The following CERKL variants were observed in gnomAD, a reference collection of about 807,000 sequenced individuals.
The protein encoded by CERKL is ceramide kinase-like protein.
A neutral mutation model predicts 63.4 loss-of-function variants in CERKL; 61 were observed. The ratio of observed to expected loss-of-function variants is 0.96; its 90% CI spans 0.78 to 1.19. The LOEUF (loss-of-function observed/expected upper bound fraction) is 1.19, where lower values mean the gene tolerates loss of function less well. CERKL is among the 50% of genes most tolerant of loss of function. CERKL has a pLI of 0.00. For synonymous variants in CERKL, 250 were observed against 230.5 expected (o/e 1.08, Z -0.77); for missense variants, 675 against 655.5 (o/e 1.03, Z -0.33).
intron 3 of CERKL, among the ~76,000 whole-genome samples, chr2:181,570,495 G>A (rs1023630878): frequency 6.6e-6 from 1 of 152,226 alleles, no homozygotes; most frequent in Non-Finnish European, 1.5e-5. Flanking sequence ...GCCAGCATGG[G>A]CTTATCGTTC....
chr2:181,594,909 A>G (rs1244818430), intron 2 of CERKL, among the ~76,000 whole-genome samples: 1 of 152,170 alleles, frequency 6.6e-6, no homozygotes, highest in Non-Finnish European at 1.5e-5. Flanking sequence ...TAAATACCAC[A>G]CAATTTTATT....
At chr2:181,561,771 G>A (rs1688456901) in intron 4 of CERKL, among the ~76,000 whole-genome samples, 1 of 151,798 alleles carries the variant, frequency 6.6e-6, no homozygotes, top group South Asian at 2.1e-4. Flanking sequence ...AAGAACCTGT[G>A]CTTCCACAAC....
At chr2:181,655,256 A>T (rs1274195894) in intron 1 of CERKL, among the ~76,000 whole-genome samples, 1 of 152,182 alleles carries the variant, frequency 6.6e-6, no homozygotes. Context: ...ATAAAACAGC[A>T]TTTCTTTTCT....
intron 6 of CERKL, among the ~76,000 whole-genome samples, chr2:181,549,261 T>C (rs957069705): frequency 2.6e-5 from 4 of 152,190 alleles, no homozygotes; most frequent in African/African-American, 9.7e-5. Context: ...TCTGGTTATG[T>C]TTTTTCATTA....
At chr2:181,633,025 G>T (rs191501802) in intron 1 of CERKL, among the ~76,000 whole-genome samples, 1 of 152,244 alleles carries the variant, frequency 6.6e-6, no homozygotes, top group Non-Finnish European at 1.5e-5. Context: ...CCTATTTCAG[G>T]CCTAAATGAA....
At chr2:181,613,058 T>A (rs1452942692) in intron 1 of CERKL, among the ~76,000 whole-genome samples, 1 of 152,208 alleles carries the variant, frequency 6.6e-6, no homozygotes, top group Non-Finnish European at 1.5e-5. Flanking sequence ...ATTAGCAATT[T>A]TCAAGTATAC....
intron 2 of CERKL, among the ~76,000 whole-genome samples, chr2:181,593,048 G>C (rs990237896): frequency 6.6e-6 from 1 of 152,078 alleles, no homozygotes; most frequent in African/African-American, 2.4e-5. Context: ...ACCCTTTATT[G>C]AGTACCTGCT....
intron 1 of CERKL, among the ~76,000 whole-genome samples, chr2:181,615,669 C>G (rs1459623443): frequency 1.2e-4 from 19 of 152,152 alleles, no homozygotes; most frequent in Admixed American, 1.2e-3. Context: ...ATTAAAAATA[C>G]AAAATTCTGT....
At chr2:181,623,582 T>C (rs1221704319) in intron 1 of CERKL, among the ~76,000 whole-genome samples, 1 of 152,242 alleles carries the variant, frequency 6.6e-6, no homozygotes, top group Non-Finnish European at 1.5e-5. Context: ...ACCTTCCACA[T>C]GCCAGTCTTG....
intron 1 of CERKL, among the ~76,000 whole-genome samples, chr2:181,623,314 T>C (rs1574508987): frequency 6.6e-6 from 1 of 152,280 alleles, no homozygotes; most frequent in Admixed American, 6.5e-5. Context: ...AAATCAATAA[T>C]AGATCAATAA....
At chr2:181,615,590 T>G (rs1431501361) in intron 1 of CERKL, among the ~76,000 whole-genome samples, 2 of 152,244 alleles carry the variant, frequency 1.3e-5, no homozygotes, top group Admixed American at 6.5e-5. Flanking sequence ...TTATGGTATA[T>G]TAGATGGTTA....
intron 3 of CERKL, among the ~76,000 whole-genome samples, chr2:181,571,611 A>G (rs1243506087): frequency 6.6e-6 from 1 of 152,158 alleles, no homozygotes; most frequent in South Asian, 2.1e-4. Context: ...TCAATACACG[A>G]TGAGTAAACT....
chr2:181,644,236 C>T (rs994787136), intron 1 of CERKL, among the ~76,000 whole-genome samples: 1 of 152,266 alleles, frequency 6.6e-6, no homozygotes, highest in Non-Finnish European at 1.5e-5. Flanking sequence ...ACTTGACCTG[C>T]TCTGCCTTGG....
In CERKL at chr2:181,539,858, C is replaced by T. The variant is rs115576218; in HGVS notation, c.1366-594G>A. Among the ~76,000 whole-genome samples, 586 of 152,204 alleles carry T rather than the reference C, an allele frequency of 3.9e-3. 6 individuals carry two copies. The highest frequency in any genetic ancestry group is 0.013 in the African/African-American group (557 of 41,532). On this transcript the variant is annotated intron_variant, in intron 11 of 12. Coordinates refer to ENST00000410087, the MANE Select transcript of CERKL (RefSeq NM_201548.5). The stretch of plus-strand genomic sequence containing the variant: ...ATGGTGCAAGGTAAACTTCAACTTG[C>T]GTTTTTTCTTGTTTGCCTAAGGAAA...
chr2:181,549,392 T>A (rs574574414), intron 6 of CERKL, among the ~76,000 whole-genome samples: 50 of 152,316 alleles, frequency 3.3e-4, no homozygotes, highest in Non-Finnish European at 4.4e-5. Context: ...CACACTACAA[T>A]ATTTTTTTTC....
intron 1 of CERKL, among the ~76,000 whole-genome samples, chr2:181,633,970 C>A (rs1420373193): frequency 6.6e-6 from 1 of 152,050 alleles, no homozygotes; most frequent in Non-Finnish European, 1.5e-5. Context: ...GACCAATAGA[C>A]AGAAATTTTC....
intron 4 of CERKL, among the ~76,000 whole-genome samples, chr2:181,561,409 C>CAA (rs3060971): frequency 0.41 from 50,024 of 122,428 alleles, 9,313 homozygotes; most frequent in African/African-American, 0.47. Context: ...GAATTTATCT[C>CAA]AAAAAAAAAA....
At chr2:181,584,489 A>C (rs1229151654) in intron 2 of CERKL, among the ~76,000 whole-genome samples, 1 of 151,806 alleles carries the variant, frequency 6.6e-6, no homozygotes, top group South Asian at 2.1e-4. Context: ...TCCAGCCTGG[A>C]CAACAGAGCA....
rs186090287 is a variant in CERKL, at chr2:181,587,431, G to A, written c.482-13547C>T. 2.5e-3 allele frequency among the ~76,000 whole-genome samples: 376 copies of A among 152,226 alleles called. 1 individual carries two copies. The Middle Eastern group carries it at 0.027, about 11-fold the overall frequency. On this transcript the variant is annotated intron_variant, in intron 2 of 12. Transcript: ENST00000410087. ...TAGAGAGCAAGAGAACAGCGAAGAA[G>A]AAAAATTCAGCCAAATGTGTCATCC...
Sources: gnomAD v4.1 joint callset for allele counts (sites outside exome capture counted in the v4.1 genomes callset) on GRCh38, gnomAD v4.1.1 for gene constraint, MANE v1.5 for transcripts, NCBI Gene and HGNC (gene_info 2026-07-23, HGNC 2026-07-21) for gene names.